GARIN1A: variants seen among roughly 807,000 people sequenced by gnomAD.
The protein encoded by GARIN1A is golgi associated RAB2 interactor 1A.
chr7:128,672,370 T>C, the GARIN1A span: 1 of 1,588,502 alleles, frequency 6.3e-7, no homozygotes, highest in Non-Finnish European at 8.6e-7. Context: ...CCCAGAAATG[T>C]TCCCAAGCCC....
At chr7:128,672,629 G>C in the GARIN1A span, 3 of 344,632 alleles carry the variant, frequency 8.7e-6, no homozygotes, top group Non-Finnish European at 9.2e-6. Flanking sequence ...AGATGCTGTG[G>C]CCTTTTAAAG....
the GARIN1A span, among the ~76,000 whole-genome samples, chr7:128,702,278 A>T: frequency 6.6e-6 from 1 of 152,328 alleles, no homozygotes; most frequent in Non-Finnish European, 1.5e-5. Context: ...TTTTAAAAAA[A>T]TTTTAGTTTC....
chr7:128,701,148 C>G, the GARIN1A span, among the ~76,000 whole-genome samples: 1 of 151,130 alleles, frequency 6.6e-6, no homozygotes, highest in Admixed American at 6.6e-5. Context: ...TTTTTAAAAT[C>G]CAGGTGTAAG....
chr7:128,701,437 GAGGGGAGGGGAGGGA>G, the GARIN1A span, among the ~76,000 whole-genome samples: 1 of 83,704 alleles, frequency 1.2e-5, no homozygotes, highest in African/African-American at 4.6e-5. Context: ...AAGGGGAGGG[GAGGGGAGGGGAGGGA>G]AGGGAAGGGA....
chr7:128,680,113 C>T, the GARIN1A span: 1 of 1,574,774 alleles, frequency 6.4e-7, no homozygotes, highest in Non-Finnish European at 8.6e-7. Flanking sequence ...GGCAGTTTCT[C>T]ACAGCTCTCA....
the GARIN1A span, among the ~76,000 whole-genome samples, chr7:128,705,499 T>A: frequency 6.6e-6 from 1 of 152,082 alleles, no homozygotes. Flanking sequence ...CACTTCCCCT[T>A]CTATAATTCA....
the GARIN1A span, among the ~76,000 whole-genome samples, chr7:128,682,739 G>C: frequency 3.9e-5 from 6 of 152,142 alleles, no homozygotes; most frequent in South Asian, 1.2e-3. Context: ...CACATGCCTG[G>C]CTAATTTTTG....
chr7:128,691,965 C>T, the GARIN1A span, among the ~76,000 whole-genome samples: 3 of 152,172 alleles, frequency 2.0e-5, no homozygotes, highest in Non-Finnish European at 4.4e-5. Flanking sequence ...CAGGCGTTGT[C>T]GCAGTGGGGC....
At chr7:128,705,132 A>C in the GARIN1A span, among the ~76,000 whole-genome samples, 1 of 152,158 alleles carries the variant, frequency 6.6e-6, no homozygotes, top group African/African-American at 2.4e-5. Flanking sequence ...TTGTTTATCA[A>C]CTCACCTGCT....
chr7:128,677,599 A>G, the GARIN1A span: 31 of 1,612,826 alleles, frequency 1.9e-5, no homozygotes, highest in Non-Finnish European at 2.5e-5. Flanking sequence ...CTACGAATCT[A>G]CGACCGGCTC....
chr7:128,677,524 AC>A, the GARIN1A span: 1 of 1,484,288 alleles, frequency 6.7e-7, no homozygotes, highest in Non-Finnish European at 8.9e-7. Flanking sequence ...AAAAAAAGAA[AC>A]CACGGGCTCT....
At chr7:128,697,928 C>T in the GARIN1A span, among the ~76,000 whole-genome samples, 2 of 152,108 alleles carry the variant, frequency 1.3e-5, no homozygotes, top group Non-Finnish European at 2.9e-5. Flanking sequence ...TTCAATACAC[C>T]TTTATGGGTC....
chr7:128,681,252 C>T, the GARIN1A span, among the ~76,000 whole-genome samples: 1 of 152,182 alleles, frequency 6.6e-6, no homozygotes, highest in African/African-American at 2.4e-5. Context: ...AAACCCTGAA[C>T]TTATCACATC....
the GARIN1A span, chr7:128,680,058 C>G: frequency 1.9e-6 from 3 of 1,576,970 alleles, no homozygotes; most frequent in East Asian, 2.3e-5. Flanking sequence ...GTCATCCCCC[C>G]AGCCCAGCGA....
the GARIN1A span, among the ~76,000 whole-genome samples, chr7:128,705,654 T>G: frequency 1.1e-5 from 1 of 92,274 alleles, no homozygotes; most frequent in Non-Finnish European, 2.2e-5. Flanking sequence ...ATTTTTTTGG[T>G]GTTTTTTTTT....
the GARIN1A span, among the ~76,000 whole-genome samples, chr7:128,682,262 A>G: frequency 6.6e-6 from 1 of 152,254 alleles, no homozygotes; most frequent in Non-Finnish European, 1.5e-5. Flanking sequence ...AAGGCTGGCA[A>G]TCCCTTCAGG....
At chr7:128,689,276 G>C in the GARIN1A span, among the ~76,000 whole-genome samples, 23,796 of 151,810 alleles carry the variant, frequency 0.16, 2,273 homozygotes, top group African/African-American at 0.26. Context: ...TCTGGGATGC[G>C]AGGAGCCCCT....
the GARIN1A span, among the ~76,000 whole-genome samples, chr7:128,697,217 T>C: frequency 6.6e-6 from 1 of 152,222 alleles, no homozygotes; most frequent in African/African-American, 2.4e-5. Context: ...AGGCGGCTCC[T>C]GCAGGGCAGC....
the GARIN1A span, among the ~76,000 whole-genome samples, chr7:128,705,576 C>A: frequency 6.6e-6 from 1 of 151,766 alleles, no homozygotes; most frequent in Non-Finnish European, 1.5e-5. Context: ...TTCCTCTACT[C>A]ACCAGCCTTA....
Sources: allele counts gnomAD v4.1 joint callset (sites outside exome capture counted in the v4.1 genomes callset), GRCh38; gene constraint gnomAD v4.1.1; transcripts MANE v1.5; gene names NCBI Gene and HGNC (gene_info 2026-07-23, HGNC 2026-07-21).